The following DLD variants were observed in gnomAD, a reference collection of about 807,000 sequenced individuals.
DLD encodes dihydrolipoamide dehydrogenase.
A neutral mutation model predicts 62.2 loss-of-function variants in DLD; 36 were observed. That is an observed-to-expected ratio of 0.58 (90% confidence interval 0.44 to 0.76). DLD has a LOEUF of 0.76. DLD is among the 30% of genes least tolerant of loss of function. The pLI is 0.00. For missense variants in DLD, 541 were observed against 608.6 expected, an observed-to-expected ratio of 0.89 and a Z score of 1.17; for synonymous variants, 204 against 199.6, an observed-to-expected ratio of 1.02 and a Z score of -0.19.
intron 7 of DLD, chr7:107,905,854 G>A (rs2031992912): frequency 2.9e-6 from 1 of 341,248 alleles, no homozygotes; most frequent in Admixed American, 4.7e-5. Context: ...TGATTCTACT[G>A]AGATCACAGT....
intron 8 of DLD, among the ~76,000 whole-genome samples, chr7:107,913,296 AG>A (rs2032188137): frequency 6.6e-6 from 1 of 152,016 alleles, no homozygotes; most frequent in Non-Finnish European, 1.5e-5. Flanking sequence ...GTAGTTTAGT[AG>A]GGATTGCATT....
chr7:107,891,143 T>C (rs1206769609), upstream of DLD: 26 of 1,404,838 alleles, frequency 1.9e-5, no homozygotes, highest in Non-Finnish European at 2.5e-5. Flanking sequence ...TCCCGGGTGA[T>C]GACGTAGGCT....
Position 107,903,513 on chromosome 7 carries a change from C to A in DLD, c.303C>A (p.Ala101=). ...LLNNSHYYHM[A]HGKDFASRGI... ...ACAACTCTCATTATTACCATATGGCCCATGGAAAAGATTTTGCATCTAGAG... is the reference window on the plus strand; with the variant it reads ...ACAACTCTCATTATTACCATATGGCACATGGAAAAGATTTTGCATCTAGAG... The change falls in exon 5 of 14, where the codon GCC becomes GCA. Residue 101 remains alanine, a synonymous_variant. Transcript: ENST00000205402. 6.3e-7 allele frequency: 1 copy of A among 1,597,396 alleles called. No homozygotes were observed. Among genetic ancestry groups the A allele is most frequent in the Non-Finnish European group, 8.6e-7 (1 of 1,165,550 alleles).
chr7:107,898,138 A>T (rs2031776533), intron 2 of DLD, among the ~76,000 whole-genome samples: 1 of 152,128 alleles, frequency 6.6e-6, no homozygotes, highest in Admixed American at 6.5e-5. Context: ...GTAGGAGCAC[A>T]CATTTCAGAA....
At chr7:107,902,659 C>CTAG (rs1273988253) in intron 4 of DLD, among the ~76,000 whole-genome samples, 1 of 152,186 alleles carries the variant, frequency 6.6e-6, no homozygotes, top group Non-Finnish European at 1.5e-5. Context: ...CTCTGATGTT[C>CTAG]TAGTTTTTTC....
chr7:107,903,169 CG>C (rs2031918945), intron 4 of DLD, among the ~76,000 whole-genome samples: 1 of 152,048 alleles, frequency 6.6e-6, no homozygotes, highest in Non-Finnish European at 1.5e-5. Context: ...GAGGCCGAGG[CG>C]GGTGGATCAC....
chr7:107,905,378 A>G lies in DLD; in HGVS notation c.456A>G (p.Gly152=), dbSNP rs1454455687. ...FKQNKVVHVN[G]YGKITGKNQV... is the part of the protein sequence containing the mutation. Reference sequence around the variant, plus strand: ...TTGTAAAGGTTGTTCATGTCAATGGATATGGAAAGATAACTGGCAAAAATC... The same window carrying G: ...TTGTAAAGGTTGTTCATGTCAATGGGTATGGAAAGATAACTGGCAAAAATC... The change falls in exon 7 of 14, where the codon GGA becomes GGG. Residue 152 remains glycine (G), a synonymous_variant. Transcript: ENST00000205402. 6.2e-7 allele frequency: 1 copy of G among 1,613,612 alleles called. No homozygotes were observed. Among genetic ancestry groups the G allele is most frequent in the East Asian group, 2.2e-5 (1 of 44,846 alleles).
intron 2 of DLD, among the ~76,000 whole-genome samples, chr7:107,898,816 C>A (rs894835089): frequency 7.9e-5 from 12 of 151,642 alleles, no homozygotes; most frequent in Non-Finnish European, 1.5e-4. Context: ...CCTCGTGATC[C>A]GCCTGCCTCG....
chr7:107,902,584 A>C (rs372762006), intron 4 of DLD, among the ~76,000 whole-genome samples, 191 bp downstream of exon 4: 1 of 152,240 alleles, frequency 6.6e-6, no homozygotes, highest in Non-Finnish European at 1.5e-5. Flanking sequence ...TGCTGTCACT[A>C]GTCTGCCACA....
chr7:107,901,726 C>T lies in DLD; in HGVS notation c.119-12C>T. The T allele has an allele frequency of 6.2e-7, 1 of 1,610,672 alleles. No homozygotes were observed. Among genetic ancestry groups the T allele is most frequent in the Non-Finnish European group, 8.5e-7 (1 of 1,177,054 alleles). ...CAATTTACTATTTTATATCAATTTG[C>T]TTTTATCGTAGTTGATGCTGATGTA... On this transcript the variant is annotated splice_polypyrimidine_tract_variant and intron_variant, in intron 2 of 13. Coordinates refer to ENST00000205402, the MANE Select transcript of DLD (RefSeq NM_000108.5).
chr7:107,893,676 G>A, intron 2 of DLD: 1 of 158,154 alleles, frequency 6.3e-6, no homozygotes, highest in Non-Finnish European at 1.4e-5. Flanking sequence ...TCAGGCAGAG[G>A]GAAACAACAC....
At chr7:107,898,706 T>G (rs964031785) in intron 2 of DLD, among the ~76,000 whole-genome samples, 1 of 152,004 alleles carries the variant, frequency 6.6e-6, no homozygotes, top group African/African-American at 2.4e-5. Flanking sequence ...TTCTCCTGCC[T>G]CAGCCTCCCC....
At position 107,903,557 on chromosome 7, in the gene DLD, CT is replaced by C; in HGVS notation, c.337+14del. 6.6e-7 allele frequency: 1 copy of C among 1,523,844 alleles called. No homozygotes were observed. Among genetic ancestry groups the C allele is most frequent in the Non-Finnish European group, 9.1e-7 (1 of 1,099,614 alleles). 94.4% of individuals were successfully genotyped at this position (1,523,844 alleles called of 1,614,324 possible). A position where few individuals can be genotyped will look rare whatever the true frequency, so the allele number is the denominator to read the frequency against. The stretch of plus-strand genomic sequence containing the variant: ...TCTAGAGGAATTGAAAGTAAGTATA[CT>C]TTTCATGCTTAATGATATTACCAGA... On this transcript the variant is annotated intron_variant, in intron 5 of 13. Coordinates refer to ENST00000205402, the MANE Select transcript of DLD (RefSeq NM_000108.5).
At chr7:107,896,681 A>G (rs2031733075) in intron 2 of DLD, among the ~76,000 whole-genome samples, 1 of 152,206 alleles carries the variant, frequency 6.6e-6, no homozygotes. Flanking sequence ...GCCATTGACA[A>G]TGTAAAAACA....
intron 2 of DLD, among the ~76,000 whole-genome samples, chr7:107,895,877 C>T (rs1050033527): frequency 2.6e-5 from 4 of 152,006 alleles, no homozygotes; most frequent in African/African-American, 9.7e-5. Context: ...TTTATATATA[C>T]ACACACACAG....
At chr7:107,906,098 A>G (rs1408058672) in intron 7 of DLD, among the ~76,000 whole-genome samples, 169 bp from the exon 8 acceptor site, 13 of 152,204 alleles carry the variant, frequency 8.5e-5, no homozygotes, top group Admixed American at 7.8e-4. Context: ...AATAATGACA[A>G]AAAAACCATG....
chr7:107,915,521 A>C lies in DLD; in HGVS notation c.700A>C (p.Arg234=), dbSNP rs766263857. ...IGVELGSVWQ[R]LGADVTAVEF... The stretch of plus-strand genomic sequence containing the variant: ...TTATTTGCAGGGTTCAGTTTGGCAA[A>C]GACTTGGTGCAGATGTGACAGCAGT... Residue 234 remains arginine, a synonymous_variant, in exon 9 of 14, where the codon AGA becomes CGA. Coordinates refer to ENST00000205402, the MANE Select transcript of DLD (RefSeq NM_000108.5). 1 of 1,613,880 alleles carries C rather than the reference A, an allele frequency of 6.2e-7. No individual in the cohort carries two copies. Among genetic ancestry groups the C allele is most frequent in the South Asian group, 1.1e-5 (1 of 91,068 alleles).
At chr7:107,913,453 G>GTCAATA (rs2116255253) in intron 8 of DLD, among the ~76,000 whole-genome samples, 1 of 149,886 alleles carries the variant, frequency 6.7e-6, no homozygotes, top group Admixed American at 6.7e-5. Flanking sequence ...TCACATCTTT[G>GTCAATA]GCTAAATTGA....
At chr7:107,916,759 G>A (rs1042644244) in intron 9 of DLD, 35 bp from the exon 10 acceptor site, 8 of 1,591,028 alleles carry the variant, frequency 5.0e-6, no homozygotes, top group African/African-American at 1.3e-5. Context: ...TTATGTAGGT[G>A]TGTATTTAAC....
Sources: gnomAD v4.1 joint callset for allele counts (sites outside exome capture counted in the v4.1 genomes callset) on GRCh38, gnomAD v4.1.1 for gene constraint, MANE v1.5 for transcripts, NCBI Gene and HGNC (gene_info 2026-07-23, HGNC 2026-07-21) for gene names.